The following AKAP7 variants were observed in gnomAD, a reference collection of about 807,000 sequenced individuals.
AKAP7 encodes A-kinase anchoring protein 7.
Under a neutral mutation model 39.5 loss-of-function variants are expected in AKAP7, and 39 were observed. The ratio of observed to expected loss-of-function variants is 0.99; its 90% CI spans 0.76 to 1.29. The LOEUF is 1.29. Ranked by LOEUF, AKAP7 falls within the 50% of genes most tolerant of loss-of-function variation. The probability of loss-of-function intolerance (pLI) is 0.00; values close to 1 mark genes in which losing one functional copy is unlikely to be tolerated. For synonymous variants in AKAP7, 140 were observed against 139.1 expected (o/e 1.01, Z -0.05); for missense variants, 414 against 407.7 (o/e 1.02, Z -0.13).
chr6:131,131,443 C>T (rs1800324948), upstream of AKAP7, among the ~76,000 whole-genome samples: 1 of 149,464 alleles, frequency 6.7e-6, no homozygotes. Context: ...TTAAGATTAC[C>T]CGTGATATTG....
intron 5 of AKAP7, among the ~76,000 whole-genome samples, chr6:131,170,625 A>G (rs1056099855): frequency 2.6e-5 from 4 of 152,230 alleles, no homozygotes; most frequent in African/African-American, 9.6e-5. Context: ...TTAATATTAC[A>G]TTGCCTCTTT....
At chr6:131,185,708 A>G (rs1250250545) in intron 5 of AKAP7, among the ~76,000 whole-genome samples, 1 of 152,214 alleles carries the variant, frequency 6.6e-6, no homozygotes, top group Non-Finnish European at 1.5e-5. Flanking sequence ...AGTTCTTTAA[A>G]TTCTGAATGT....
At chr6:131,132,792 T>C (rs186215669), upstream of AKAP7, among the ~76,000 whole-genome samples, 205 of 152,362 alleles carry the variant, frequency 1.3e-3, 1 homozygote, top group Middle Eastern at 3.4e-3. Context: ...TACCTTGCAG[T>C]GATGATATAG....
chr6:131,131,587 T>A (rs1472668037), upstream of AKAP7, among the ~76,000 whole-genome samples: 2 of 152,148 alleles, frequency 1.3e-5, no homozygotes, highest in Admixed American at 1.3e-4. Flanking sequence ...GTCTATTCAT[T>A]GAGAAATCTC....
intron 7 of AKAP7, chr6:131,241,984 G>A: frequency 2.3e-6 from 2 of 878,064 alleles, no homozygotes; most frequent in South Asian, 1.1e-4. Flanking sequence ...GAAACACAGA[G>A]TATATTTTAT....
At chr6:131,171,544 G>T (rs962309492) in intron 5 of AKAP7, among the ~76,000 whole-genome samples, 2 of 152,158 alleles carry the variant, frequency 1.3e-5, no homozygotes, top group Admixed American at 6.5e-5. Context: ...GCTAAAGGGA[G>T]CAGTGAAGGT....
intron 5 of AKAP7, among the ~76,000 whole-genome samples, chr6:131,193,670 G>A (rs969967423): frequency 6.6e-6 from 1 of 152,092 alleles, no homozygotes; most frequent in Non-Finnish European, 1.5e-5. Flanking sequence ...CAGCAGTGAA[G>A]ACATCAGGTC....
intron 7 of AKAP7, among the ~76,000 whole-genome samples, chr6:131,240,015 G>GT (rs1318541700): frequency 1.3e-5 from 2 of 152,148 alleles, no homozygotes; most frequent in East Asian, 3.9e-4. Context: ...TTTCTGCTCT[G>GT]TTTTTTCCCC....
intron 7 of AKAP7, among the ~76,000 whole-genome samples, chr6:131,265,867 A>C (rs752663865): frequency 6.6e-6 from 1 of 152,138 alleles, no homozygotes; most frequent in African/African-American, 2.4e-5. Context: ...TGGGGGGAAA[A>C]CCCAGGCACA....
At chr6:131,211,638 TG>T (rs1808651273) in intron 6 of AKAP7, among the ~76,000 whole-genome samples, 1 of 150,752 alleles carries the variant, frequency 6.6e-6, no homozygotes, top group Non-Finnish European at 1.5e-5. Context: ...CCAGGTATGG[TG>T]GCGGACACCT....
chr6:131,146,902 G>A (rs1801531414), intron 2 of AKAP7, among the ~76,000 whole-genome samples: 1 of 152,198 alleles, frequency 6.6e-6, no homozygotes, highest in African/African-American at 2.4e-5. Context: ...ACACACAACA[G>A]TCTTGAACGT....
chr6:131,268,723 T>G (rs1814023895), intron 7 of AKAP7, among the ~76,000 whole-genome samples: 1 of 152,194 alleles, frequency 6.6e-6, no homozygotes, highest in African/African-American at 2.4e-5. Context: ...CCTAGGATAA[T>G]CAGCCTATAA....
intron 6 of AKAP7, among the ~76,000 whole-genome samples, chr6:131,214,735 G>A (rs957715672): frequency 5.3e-5 from 8 of 152,152 alleles, no homozygotes; most frequent in African/African-American, 1.9e-4. Context: ...ATTTTAGAAT[G>A]CTAGGGATTC....
chr6:131,233,321 A>T (rs915346639), intron 7 of AKAP7, among the ~76,000 whole-genome samples: 1 of 152,194 alleles, frequency 6.6e-6, no homozygotes, highest in Admixed American at 6.5e-5. Flanking sequence ...ACAATCAGGC[A>T]GACCTTATTC....
At chr6:131,151,576 C>G (rs1801925565) in intron 2 of AKAP7, among the ~76,000 whole-genome samples, 1 of 151,512 alleles carries the variant, frequency 6.6e-6, no homozygotes, top group Non-Finnish European at 1.5e-5. Context: ...GAAACCCTAT[C>G]TCTACTAAAA....
chr6:131,204,530 T>C (rs1243832323), intron 6 of AKAP7, among the ~76,000 whole-genome samples: 1 of 152,236 alleles, frequency 6.6e-6, no homozygotes, highest in Non-Finnish European at 1.5e-5. Flanking sequence ...TTCCCACAGT[T>C]ACTCTCTTAG....
chr6:131,266,218 A>G (rs1287428400), intron 7 of AKAP7, among the ~76,000 whole-genome samples: 1 of 152,162 alleles, frequency 6.6e-6, no homozygotes, highest in African/African-American at 2.4e-5. Context: ...CCACACAGAA[A>G]TTAATCTTGC....
intron 2 of AKAP7, among the ~76,000 whole-genome samples, chr6:131,153,415 G>A (rs1413416546): frequency 1.3e-5 from 2 of 152,260 alleles, no homozygotes; most frequent in African/African-American, 4.8e-5. Flanking sequence ...GACAAACCAT[G>A]TCCTACTTTA....
intron 6 of AKAP7, among the ~76,000 whole-genome samples, chr6:131,207,490 A>ATTTTTTTTTTTTTTTTT (rs1562213736): frequency 1.2e-5 from 1 of 80,916 alleles, no homozygotes; most frequent in Non-Finnish European, 2.7e-5. Flanking sequence ...GGCTAATTAA[A>ATTTTTTTTTTTTTTTTT]ATTTTTTTTT....
Sources: allele counts gnomAD v4.1 joint callset (sites outside exome capture counted in the v4.1 genomes callset), GRCh38; gene constraint gnomAD v4.1.1; transcripts MANE v1.5; gene names NCBI Gene and HGNC (gene_info 2026-07-23, HGNC 2026-07-21).